Variants in SGCZ observed in about 807,000 individuals in gnomAD.
The protein encoded by SGCZ is sarcoglycan zeta.
Under a neutral mutation model 41.3 loss-of-function variants are expected in SGCZ, and 40 were observed. That is an observed-to-expected ratio of 0.97 (90% confidence interval 0.75 to 1.26). SGCZ has a LOEUF of 1.26. Among genes scored for constraint, SGCZ ranks in the 50% most tolerant of loss-of-function variants. The pLI, the probability that SGCZ is intolerant of heterozygous loss-of-function variation, is 0.00. For missense variants in SGCZ, 552 were observed against 369.8 expected (o/e 1.49, Z -4.04); for synonymous variants, 206 against 137.5 (o/e 1.50, Z -3.49).
chr8:14,534,101 A>C (rs530271058), intron 2 of SGCZ, among the ~76,000 whole-genome samples: 80 of 152,140 alleles, frequency 5.3e-4, no homozygotes, highest in African/African-American at 1.9e-3. Context: ...AAAGGTCCCA[A>C]TACATCCTTC....
At chr8:14,678,440 C>T (rs1416427492) in intron 1 of SGCZ, among the ~76,000 whole-genome samples, 1 of 152,158 alleles carries the variant, frequency 6.6e-6, no homozygotes, top group Admixed American at 6.5e-5. Flanking sequence ...ACAAGATGCT[C>T]CACATTATAT....
At chr8:14,657,555 A>G (rs1275805108) in intron 1 of SGCZ, among the ~76,000 whole-genome samples, 1 of 152,174 alleles carries the variant, frequency 6.6e-6, no homozygotes, top group Non-Finnish European at 1.5e-5. Flanking sequence ...CAGGAAAAGT[A>G]TACATTTATT....
In SGCZ at chr8:14,763,138, G is replaced by C. The variant is rs568308731; in HGVS notation, c.40-208212C>G. On this transcript the variant is annotated intron_variant, in intron 1 of 7. Coordinates refer to ENST00000382080, the MANE Select transcript of SGCZ (RefSeq NM_139167.4). ...CTTTAAAATGTGTTGTATATGTCTG[G>C]TTGCCCTCTATAGTCAGATACTGGT... Among the ~76,000 whole-genome samples, 8 of 152,140 alleles carry C rather than the reference G, an allele frequency of 5.3e-5. No homozygotes were observed. The South Asian group carries it at 1.5e-3, about 28-fold the overall frequency.
intron 1 of SGCZ, among the ~76,000 whole-genome samples, chr8:14,674,844 A>G (rs1019016584): frequency 1.3e-5 from 2 of 151,110 alleles, no homozygotes; most frequent in Non-Finnish European, 2.9e-5. Context: ...TTCCACCATG[A>G]ATAAAATCTC....
At chr8:15,063,546 T>G (rs17655261) in intron 1 of SGCZ, among the ~76,000 whole-genome samples, 8 of 152,116 alleles carry the variant, frequency 5.3e-5, no homozygotes, top group African/African-American at 1.7e-4. Context: ...TGACCACCAA[T>G]GATTTTTAAA....
At chr8:14,770,600 A>G (rs1025574018) in intron 1 of SGCZ, among the ~76,000 whole-genome samples, 4 of 152,076 alleles carry the variant, frequency 2.6e-5, no homozygotes, top group South Asian at 2.1e-4. Context: ...ATGTTCTCAC[A>G]ATTTGTTTGG....
chr8:14,961,675 T>C (rs1013080555), intron 1 of SGCZ, among the ~76,000 whole-genome samples: 1 of 152,112 alleles, frequency 6.6e-6, no homozygotes, highest in African/African-American at 2.4e-5. Context: ...CATCTACTAG[T>C]GGGTCTTGGA....
intron 1 of SGCZ, among the ~76,000 whole-genome samples, chr8:14,655,500 A>T (rs1447058891): frequency 6.6e-6 from 1 of 152,156 alleles, no homozygotes; most frequent in Non-Finnish European, 1.5e-5. Flanking sequence ...TGTTATGAAA[A>T]ATTCAACTTT....
chr8:15,235,475 A>G (rs1802090704), intron 1 of SGCZ, among the ~76,000 whole-genome samples: 2 of 152,270 alleles, frequency 1.3e-5, no homozygotes, highest in South Asian at 2.1e-4. Flanking sequence ...CTTCCCAGTC[A>G]GTCATTGCCA....
intron 2 of SGCZ, among the ~76,000 whole-genome samples, chr8:14,372,268 G>A (rs550003959): frequency 3.0e-4 from 45 of 152,276 alleles, no homozygotes; most frequent in African/African-American, 9.1e-4. Flanking sequence ...TAACGACCTT[G>A]TGCTATAGGT....
chr8:15,043,088 C>T (rs1381329304), intron 1 of SGCZ, among the ~76,000 whole-genome samples: 1 of 152,156 alleles, frequency 6.6e-6, no homozygotes, highest in Admixed American at 6.6e-5. Context: ...AGAGCAAGGG[C>T]ACAAAATGGT....
At chr8:14,267,813 T>C (rs1799925752) in intron 3 of SGCZ, among the ~76,000 whole-genome samples, 1 of 152,060 alleles carries the variant, frequency 6.6e-6, no homozygotes, top group South Asian at 2.1e-4. Context: ...TTTCAGAGCC[T>C]TTATCTATTC....
intron 1 of SGCZ, among the ~76,000 whole-genome samples, chr8:15,153,188 G>A (rs541254809): frequency 6.6e-6 from 1 of 152,210 alleles, no homozygotes; most frequent in Admixed American, 6.5e-5. Flanking sequence ...ACACATAACG[G>A]GTAGCTAAAG....
chr8:14,393,678 C>T (rs1207533404), intron 2 of SGCZ, among the ~76,000 whole-genome samples: 1 of 152,116 alleles, frequency 6.6e-6, no homozygotes, highest in Non-Finnish European at 1.5e-5. Context: ...GCTTATTAAA[C>T]CTCTGTTGCT....
chr8:14,856,704 G>A (rs1803556115), intron 1 of SGCZ, among the ~76,000 whole-genome samples: 2 of 152,110 alleles, frequency 1.3e-5, no homozygotes, highest in South Asian at 4.1e-4. Context: ...CTGGGCAGGG[G>A]GCTTAGGCAG....
rs373690672 is a variant in SGCZ at position 14,821,404 on chromosome 8, T to C, written c.40-266478A>G. Among the ~76,000 whole-genome samples the C allele has an allele frequency of 2.6e-3, 403 of 152,132 alleles. 2 individuals are homozygous for C. The highest frequency in any genetic ancestry group is 9.0e-3 in the African/African-American group (373 of 41,548). On this transcript the variant is annotated intron_variant, in intron 1 of 7. Coordinates refer to ENST00000382080, the MANE Select transcript of SGCZ (RefSeq NM_139167.4). The stretch of plus-strand genomic sequence containing the variant: ...TTAAACCAAACATTAAAAGAACTAA[T>C]ACCAATTATCCTTAAACTCTTCCAG...
rs531577144 is a variant in SGCZ at position 14,781,663 on chromosome 8, C to T, written c.40-226737G>A. ...ATAGCAACTAGTTGCTACATATAGA[C>T]GTTCCTCAACTTGTGATGGAGTTAC... On this transcript the variant is annotated intron_variant, in intron 1 of 7. Transcript: ENST00000382080. 1.3e-4 allele frequency among the ~76,000 whole-genome samples: 20 copies of T among 152,206 alleles called. 1 individual carries two copies. In the Middle Eastern group the frequency reaches 0.014, roughly 104 times the overall value.
At chr8:15,049,161 G>C (rs1263912339) in intron 1 of SGCZ, among the ~76,000 whole-genome samples, 28 of 152,134 alleles carry the variant, frequency 1.8e-4, no homozygotes, top group Admixed American at 1.8e-3. Flanking sequence ...AAATTCTGTG[G>C]CAGAGAATAA....
chr8:14,776,424 G>T (rs1301567317), intron 1 of SGCZ, among the ~76,000 whole-genome samples: 1 of 151,718 alleles, frequency 6.6e-6, no homozygotes, highest in South Asian at 2.1e-4. Context: ...CCGTGACTGA[G>T]TCCATTAAAC....
Sources: gnomAD v4.1 joint callset for allele counts (sites outside exome capture counted in the v4.1 genomes callset) on GRCh38, gnomAD v4.1.1 for gene constraint, MANE v1.5 for transcripts, NCBI Gene and HGNC (gene_info 2026-07-23, HGNC 2026-07-21) for gene names.